Variants in SGPP1 observed in about 807,000 individuals in gnomAD.
The protein encoded by SGPP1 is sphingosine-1-phosphate phosphatase 1.
In SGPP1, 21 loss-of-function variants were observed where a neutral mutation model predicts 33.0. The observed-to-expected ratio is 0.64, with a 90% CI of 0.45 to 0.92. The LOEUF (loss-of-function observed/expected upper bound fraction) is 0.92. SGPP1 is among the 40% of genes least tolerant of loss of function. SGPP1 has a pLI of 0.00. For missense variants in SGPP1, 543 were observed against 589.4 expected, an observed-to-expected ratio of 0.92 and a Z score of 0.81; for synonymous variants, 239 against 241.2, an observed-to-expected ratio of 0.99 and a Z score of 0.08.
intron 1 of SGPP1, among the ~76,000 whole-genome samples, chr14:63,717,385 G>A (rs1233004556): frequency 6.7e-5 from 10 of 149,764 alleles, no homozygotes; most frequent in East Asian, 2.0e-4. Context: ...CATGATATCC[G>A]TTATCGGCTC....
At chr14:63,694,790 T>A (rs1278068787) in intron 2 of SGPP1, among the ~76,000 whole-genome samples, 1 of 152,178 alleles carries the variant, frequency 6.6e-6, no homozygotes, top group Non-Finnish European at 1.5e-5. Context: ...AAAAGGAAAT[T>A]TAGCAAATAA....
At chr14:63,713,162 T>G (rs900113496) in intron 1 of SGPP1, among the ~76,000 whole-genome samples, 1 of 152,146 alleles carries the variant, frequency 6.6e-6, no homozygotes, top group African/African-American at 2.4e-5. Flanking sequence ...AGATGACTTA[T>G]AGACACTTCA....
chr14:63,692,119 G>C (rs1196550595), intron 2 of SGPP1, among the ~76,000 whole-genome samples: 1 of 152,062 alleles, frequency 6.6e-6, no homozygotes, highest in South Asian at 2.1e-4. Context: ...ATAACTTTCC[G>C]TACTAAAAAC....
At chr14:63,716,347 A>G (rs933540686) in intron 1 of SGPP1, among the ~76,000 whole-genome samples, 1 of 151,916 alleles carries the variant, frequency 6.6e-6, no homozygotes, top group Admixed American at 6.6e-5. Context: ...TACAAAAATT[A>G]CCTGGGTGTG....
Position 63,698,561 on chromosome 14 carries a change from T to C in SGPP1, c.774+8A>G, listed in dbSNP as rs1215362628. ...AATAAAGTATTAAGAAGACAACATT[T>C]TCCTTACCAGAATAGAGTGCATTCC... On this transcript the variant is annotated splice_region_variant and intron_variant, in intron 2 of 2. Coordinates refer to ENST00000247225, the MANE Select transcript of SGPP1 (RefSeq NM_030791.4). 6.8e-7 allele frequency: 1 copy of C among 1,470,880 alleles called. No homozygotes were observed. The highest frequency in any genetic ancestry group is 9.3e-7 in the Non-Finnish European group (1 of 1,074,974). The allele number at this position is 1,470,880 out of a possible 1,614,324, so 91.1% of individuals were successfully genotyped here.
intron 1 of SGPP1, among the ~76,000 whole-genome samples, chr14:63,725,656 T>C (rs377435982): frequency 3.3e-5 from 5 of 152,226 alleles, no homozygotes; most frequent in African/African-American, 1.2e-4. Flanking sequence ...CCTGAAATGT[T>C]AGAATATCAA....
chr14:63,721,343 C>T (rs1466449870), intron 1 of SGPP1, among the ~76,000 whole-genome samples: 1 of 151,606 alleles, frequency 6.6e-6, no homozygotes, highest in Non-Finnish European at 1.5e-5. Flanking sequence ...ACCCAGGAGG[C>T]TGAGGTAGAA....
intron 1 of SGPP1, 46 bp downstream of exon 1, chr14:63,727,215 G>A (rs1390685845): frequency 2.0e-6 from 3 of 1,527,866 alleles, no homozygotes; most frequent in Non-Finnish European, 2.6e-6. Context: ...AGAACTCCGA[G>A]TTCTTTGAAC....
rs1294328455 is a variant in SGPP1 at position 63,727,235 on chromosome 14, C to T, written c.684+26G>A. On this transcript the variant is annotated intron_variant, in intron 1 of 2. Transcript: ENST00000247225. ...TCCGAGTTCTTTGAACTCCCCCAGG[C>T]TGAACAGGACGAGAAGGAACCCTAC... 3 of 1,580,388 alleles carry T rather than the reference C, an allele frequency of 1.9e-6. No homozygotes were observed. The Admixed American group carries it at 5.3e-5, about 28-fold the overall frequency.
At chr14:63,691,131 T>G (rs1200984781) in intron 2 of SGPP1, among the ~76,000 whole-genome samples, 1 of 152,242 alleles carries the variant, frequency 6.6e-6, no homozygotes, top group Non-Finnish European at 1.5e-5. Context: ...TTCTCTTTAT[T>G]TAAATAAGTG....
intron 1 of SGPP1, among the ~76,000 whole-genome samples, chr14:63,725,139 G>A (rs995331205): frequency 3.3e-5 from 5 of 152,186 alleles, no homozygotes; most frequent in African/African-American, 7.2e-5. Context: ...TTGGGAGGCC[G>A]AGATGGGTGG....
chr14:63,686,430 T>C lies in SGPP1; in HGVS notation c.1001A>G (p.His334Arg). ...TACTAGACCCATGTTATAAGTAACA[T>C]GAGATCCACATGCAATTCCAGCACC... ...GSGAGIACGSHVTYNMGLVLD... is the reference protein window; with the variant it reads ...GSGAGIACGSRVTYNMGLVLD... Residue 334 changes from histidine (H) to arginine (R), a missense_variant, in exon 3 of 3, where the codon CAT (histidine) becomes CGT (arginine). By Grantham distance (29) the His-to-Arg change is conservative (BLOSUM62 0). Transcript: ENST00000247225. 1 of 1,613,770 alleles carries C rather than the reference T, an allele frequency of 6.2e-7. No homozygotes were observed. The highest frequency in any genetic ancestry group is 8.5e-7 in the Non-Finnish European group (1 of 1,179,674).
At chr14:63,707,041 A>AG (rs1491111100) in intron 1 of SGPP1, among the ~76,000 whole-genome samples, 11 of 89,798 alleles carry the variant, frequency 1.2e-4, no homozygotes, top group Non-Finnish European at 2.0e-4. Flanking sequence ...ACTCTGTCCC[A>AG]AAAAAAAAAA....
In SGPP1 at chr14:63,684,619, T is replaced by A. The variant is rs1595058749; in HGVS notation, c.*1486A>T. On this transcript the variant is annotated 3_prime_UTR_variant, in exon 3 of 3. Coordinates refer to ENST00000247225, the MANE Select transcript of SGPP1 (RefSeq NM_030791.4). The stretch of plus-strand genomic sequence containing the variant: ...GTGCCCAAAATAGAAACATCTGAAG[T>A]GATAGTTCTGGATAATCATACAGAT... The A allele has an allele frequency of 2.0e-5, 3 of 152,586 alleles. No homozygotes were observed. The South Asian group carries it at 6.2e-4, about 32-fold the overall frequency. 9.5% of individuals were successfully genotyped at this position (152,586 alleles called of 1,614,324 possible).
chr14:63,714,725 C>T (rs984955315), intron 1 of SGPP1, among the ~76,000 whole-genome samples: 5 of 146,906 alleles, frequency 3.4e-5, no homozygotes, highest in Non-Finnish European at 6.0e-5. Context: ...CCAGCCTTGA[C>T]CTCCTTCTAT....
chr14:63,687,761 C>A (rs961935608), intron 2 of SGPP1, among the ~76,000 whole-genome samples: 1 of 152,060 alleles, frequency 6.6e-6, no homozygotes, highest in Non-Finnish European at 1.5e-5. Context: ...AACACTTTGT[C>A]GAAACTGCTT....
intron 1 of SGPP1, among the ~76,000 whole-genome samples, chr14:63,722,654 T>C (rs1885797193): frequency 1.3e-5 from 2 of 151,938 alleles, no homozygotes; most frequent in Admixed American, 6.6e-5. Flanking sequence ...CAATGAGTTG[T>C]CTATAAAGTA....
At position 63,707,414 on chromosome 14, in the gene SGPP1, T is replaced by C. The variant is rs1021168790; in HGVS notation, c.685-8756A>G. Among the ~76,000 whole-genome samples the C allele has an allele frequency of 2.5e-4, 38 of 152,248 alleles. 1 individual carries two copies. The highest frequency in any genetic ancestry group is 8.9e-4 in the African/African-American group (37 of 41,544). ...GTTATAGCTTGTAACACGTCAGAGC[T>C]ACAGGCAGGCCCCAGCATTCCAGAT... On this transcript the variant is annotated intron_variant, in intron 1 of 2. Coordinates refer to ENST00000247225, the MANE Select transcript of SGPP1 (RefSeq NM_030791.4).
intron 1 of SGPP1, among the ~76,000 whole-genome samples, chr14:63,712,590 T>C (rs755335514): frequency 6.6e-6 from 1 of 152,230 alleles, no homozygotes; most frequent in Non-Finnish European, 1.5e-5. Flanking sequence ...CTTGAATTTA[T>C]AAAAATAAAA....
Sources: allele counts gnomAD v4.1 joint callset (sites outside exome capture counted in the v4.1 genomes callset), GRCh38; gene constraint gnomAD v4.1.1; transcripts MANE v1.5; gene names NCBI Gene and HGNC (gene_info 2026-07-23, HGNC 2026-07-21).